SH3KBP1: variants seen among roughly 807,000 people sequenced by gnomAD.
The protein encoded by SH3KBP1 is SH3 domain-containing kinase-binding protein 1.
SH3KBP1 carries 8 observed loss-of-function variants against 50.1 expected under a neutral mutation model. The ratio of observed to expected loss-of-function variants is 0.16; its 90% CI spans 0.09 to 0.29. SH3KBP1 has a LOEUF of 0.29. Among genes scored for constraint, SH3KBP1 ranks in the 10% least tolerant of loss-of-function variants. SH3KBP1 has a pLI of 1.00. For missense variants in SH3KBP1, 377 were observed against 535.2 expected, an observed-to-expected ratio of 0.70 and a Z score of 2.92; for synonymous variants, 227 against 218.6, an observed-to-expected ratio of 1.04 and a Z score of -0.34.
rs182775508 is a variant in SH3KBP1 at position 19,802,908 on chromosome X, G to A, written c.162+33217C>T. Among the ~76,000 whole-genome samples, 54 of 111,364 alleles carry A rather than the reference G, an allele frequency of 4.8e-4. No individual in the cohort carries two copies. In the Middle Eastern group the frequency reaches 0.014, roughly 29 times the overall value. On this transcript the variant is annotated intron_variant, in intron 2 of 17. Coordinates refer to ENST00000397821, the MANE Select transcript of SH3KBP1 (RefSeq NM_031892.3). The stretch of plus-strand genomic sequence containing the variant: ...TGGACTGGGCTAATCTTTCTCTTTC[G>A]GGAAGGGCACCAATCTCTCCCACAG...
At chrX:19,578,269 C>T (rs901311000) in intron 12 of SH3KBP1, among the ~76,000 whole-genome samples, 25 of 111,929 alleles carry the variant, frequency 2.2e-4, no homozygotes, top group African/African-American at 5.2e-4. Flanking sequence ...AACCTATCTT[C>T]TTTCTTTCTC....
At chrX:19,857,914 C>T (rs1462510014) in intron 1 of SH3KBP1, among the ~76,000 whole-genome samples, 3 of 111,766 alleles carry the variant, frequency 2.7e-5, no homozygotes, top group African/African-American at 9.8e-5. Flanking sequence ...CACAGTGGCT[C>T]ACACCTGTAA....
At chrX:19,830,249 C>T (rs981603291) in intron 2 of SH3KBP1, among the ~76,000 whole-genome samples, 1 of 109,782 alleles carries the variant, frequency 9.1e-6, no homozygotes, top group African/African-American at 3.3e-5. Flanking sequence ...GACATTTCCC[C>T]CTTCCTTTTT....
chrX:19,635,345 C>T (rs1469330893), intron 7 of SH3KBP1, among the ~76,000 whole-genome samples: 2 of 107,831 alleles, frequency 1.9e-5, no homozygotes, highest in Non-Finnish European at 3.8e-5. Context: ...CGCATGTTCT[C>T]ACTCATAAGT....
At chrX:19,554,550 C>T (rs755085562) in intron 13 of SH3KBP1, among the ~76,000 whole-genome samples, 33 of 107,623 alleles carry the variant, frequency 3.1e-4, no homozygotes, top group Middle Eastern at 9.3e-3. Context: ...TACAGGCACG[C>T]GCCACCACAC....
At chrX:19,746,244 T>C in intron 3 of SH3KBP1, 74 bp downstream of exon 3, 7 of 1,130,332 alleles carry the variant, frequency 6.2e-6, no homozygotes, top group Non-Finnish European at 8.4e-6. Flanking sequence ...CAATATAAAG[T>C]TTGACACAGT....
intron 6 of SH3KBP1, among the ~76,000 whole-genome samples, chrX:19,656,508 G>C (rs1239032384): frequency 8.9e-6 from 1 of 111,966 alleles, no homozygotes; most frequent in East Asian, 2.8e-4. Context: ...GACTATGATG[G>C]AAAAATTTCC....
At chrX:19,576,234 T>C (rs34254570) in intron 12 of SH3KBP1, among the ~76,000 whole-genome samples, 24,735 of 110,616 alleles carry the variant, frequency 0.22, 2,193 homozygotes, top group African/African-American at 0.3. Flanking sequence ...GTCTCCTTGT[T>C]TTACTAAAGC....
intron 1 of SH3KBP1, among the ~76,000 whole-genome samples, chrX:19,842,089 A>G (rs2147454484): frequency 8.9e-6 from 1 of 111,849 alleles, no homozygotes; most frequent in South Asian, 3.7e-4. Flanking sequence ...TGGACTGCAG[A>G]TGGGTATGAA....
intron 1 of SH3KBP1, among the ~76,000 whole-genome samples, chrX:19,880,886 T>C (rs1023495309): frequency 1.8e-5 from 2 of 111,896 alleles, no homozygotes; most frequent in African/African-American, 6.5e-5. Context: ...GTAAAGGCAC[T>C]GCAGGCAGCC....
chrX:19,644,946 G>T (rs1011797622), intron 7 of SH3KBP1, among the ~76,000 whole-genome samples: 4 of 111,449 alleles, frequency 3.6e-5, no homozygotes, highest in African/African-American at 1.3e-4. Flanking sequence ...GTGGTATCTG[G>T]AGATATTCAA....
chrX:19,799,963 G>A (rs2066848716), intron 2 of SH3KBP1, among the ~76,000 whole-genome samples: 1 of 111,828 alleles, frequency 8.9e-6, no homozygotes, highest in Admixed American at 9.5e-5. Flanking sequence ...GGAGGAGGAA[G>A]AGCCACCTAA....
At chrX:19,595,223 C>T (rs1331416811) in intron 9 of SH3KBP1, among the ~76,000 whole-genome samples, 1 of 112,152 alleles carries the variant, frequency 8.9e-6, no homozygotes, top group Non-Finnish European at 1.9e-5. Context: ...ACAAATGAAA[C>T]GCCATTTCCC....
chrX:19,698,692 A>G (rs1478281318), intron 4 of SH3KBP1, among the ~76,000 whole-genome samples: 1 of 111,491 alleles, frequency 9.0e-6, no homozygotes, highest in Non-Finnish European at 1.9e-5. Flanking sequence ...ATTTCCTTCT[A>G]TAGCCAGGCC....
intron 12 of SH3KBP1, among the ~76,000 whole-genome samples, chrX:19,583,160 T>TTA (rs1051625661): frequency 2.1e-5 from 2 of 96,127 alleles, no homozygotes; most frequent in African/African-American, 7.9e-5. Flanking sequence ...ATTATTATTA[T>TTA]TATTATTTTT....
chrX:19,571,071 C>G (rs142829515), intron 12 of SH3KBP1, among the ~76,000 whole-genome samples: 6 of 112,311 alleles, frequency 5.3e-5, no homozygotes, highest in African/African-American at 1.6e-4. Flanking sequence ...AAAACACTGC[C>G]TCTTAACCTC....
At chrX:19,641,692 T>C (rs922572301) in intron 7 of SH3KBP1, among the ~76,000 whole-genome samples, 1 of 112,282 alleles carries the variant, frequency 8.9e-6, no homozygotes, top group Non-Finnish European at 1.9e-5. Context: ...GGAACTGTTT[T>C]CCATGCAGAG....
At chrX:19,872,807 C>G (rs1347053061) in intron 1 of SH3KBP1, among the ~76,000 whole-genome samples, 1 of 101,411 alleles carries the variant, frequency 9.9e-6, no homozygotes, top group African/African-American at 4.1e-5. Context: ...CTGTCTCCAT[C>G]TCTCTTCTCT....
At chrX:19,765,573 G>A (rs985626333) in intron 2 of SH3KBP1, among the ~76,000 whole-genome samples, 2 of 111,442 alleles carry the variant, frequency 1.8e-5, no homozygotes, top group African/African-American at 3.3e-5. Context: ...GTAAATACAC[G>A]TTACATAAAA....
Sources: gnomAD v4.1 joint callset for allele counts (sites outside exome capture counted in the v4.1 genomes callset) on GRCh38, gnomAD v4.1.1 for gene constraint, MANE v1.5 for transcripts, NCBI Gene and HGNC (gene_info 2026-07-23, HGNC 2026-07-21) for gene names.